Variants in UBE2F observed in about 807,000 individuals in gnomAD.
UBE2F encodes NEDD8-conjugating enzyme UBE2F.
Under a neutral mutation model 29.6 loss-of-function variants are expected in UBE2F, and 5 were observed. That is an observed-to-expected ratio of 0.17 (90% CI 0.09 to 0.36). UBE2F has a LOEUF of 0.36. Among genes scored for constraint, UBE2F ranks in the 10% least tolerant of loss-of-function variants. UBE2F has a pLI of 1.00. For missense variants in UBE2F, 141 were observed against 228.5 expected (o/e 0.62, Z 2.47); for synonymous variants, 66 against 81.8 (o/e 0.81, Z 1.04).
At chr2:238,031,945 C>G (rs920580144) in intron 7 of UBE2F, among the ~76,000 whole-genome samples, 6 of 152,268 alleles carry the variant, frequency 3.9e-5, no homozygotes, top group African/African-American at 1.4e-4. Flanking sequence ...CCTGCGGGCC[C>G]TGTCGTGCAG....
chr2:238,030,295 C>T (rs1292438913), intron 6 of UBE2F, among the ~76,000 whole-genome samples: 4 of 152,146 alleles, frequency 2.6e-5, no homozygotes, highest in African/African-American at 9.7e-5. Flanking sequence ...TTTAAACATG[C>T]TCTTCCTCAG....
chr2:238,007,488 T>A (rs2063932503), intron 4 of UBE2F, among the ~76,000 whole-genome samples: 2 of 150,974 alleles, frequency 1.3e-5, no homozygotes, highest in Non-Finnish European at 2.9e-5. Context: ...CTTGTTTGCA[T>A]ATATACATAT....
chr2:238,037,021 T>G (rs939729717), intron 9 of UBE2F, among the ~76,000 whole-genome samples: 2 of 152,204 alleles, frequency 1.3e-5, no homozygotes, highest in African/African-American at 2.4e-5. Flanking sequence ...TTTTATTTAT[T>G]TATTTAATTT....
At chr2:238,001,539 C>T (rs888755121) in intron 4 of UBE2F, among the ~76,000 whole-genome samples, 1 of 151,970 alleles carries the variant, frequency 6.6e-6, no homozygotes, top group Non-Finnish European at 1.5e-5. Context: ...GTCATTAGGC[C>T]GGGCCCAGTG....
intron 4 of UBE2F, among the ~76,000 whole-genome samples, chr2:238,011,013 A>G (rs950703221): frequency 3.9e-5 from 6 of 152,030 alleles, no homozygotes; most frequent in South Asian, 2.1e-4. Flanking sequence ...AAATCTGTCT[A>G]CTTCACCTGC....
At chr2:238,025,560 C>T (rs950155645) in intron 6 of UBE2F, 148 bp downstream of exon 6, 2 of 706,818 alleles carry the variant, frequency 2.8e-6, no homozygotes, top group Non-Finnish European at 4.9e-6. Context: ...CTGCGGTTGC[C>T]TGCCTGCTCC....
intron 2 of UBE2F, among the ~76,000 whole-genome samples, chr2:237,984,484 T>G (rs562101948): frequency 6.6e-6 from 1 of 152,246 alleles, no homozygotes; most frequent in African/African-American, 2.4e-5. Flanking sequence ...CGCACATTGC[T>G]AATTTATCTG....
intron 4 of UBE2F, among the ~76,000 whole-genome samples, chr2:237,995,042 G>T (rs1180151338): frequency 1.3e-5 from 2 of 152,196 alleles, no homozygotes; most frequent in Non-Finnish European, 2.9e-5. Flanking sequence ...TATAACTAAA[G>T]TTAATGACAG....
rs1054613904 is a variant in UBE2F, at chr2:237,970,470, C to G, written c.-16-2622C>G. The stretch of plus-strand genomic sequence containing the variant: ...CAGCTGAGTGGCTTTGGGCAGCCTA[C>G]CTTCTGGGCCTCTGTTGTCCTGGGG... On this transcript the variant is annotated intron_variant, in intron 1 of 9. Coordinates refer to ENST00000272930, the MANE Select transcript of UBE2F (RefSeq NM_080678.3). Among the ~76,000 whole-genome samples, 49 of 152,168 alleles carry G rather than the reference C, an allele frequency of 3.2e-4. 1 individual carries two copies.
intron 3 of UBE2F, among the ~76,000 whole-genome samples, chr2:237,993,388 A>G (rs2063627817): frequency 6.6e-6 from 1 of 152,124 alleles, no homozygotes; most frequent in Admixed American, 6.6e-5. Flanking sequence ...TGGTTTTTCC[A>G]TGTTTAGTTC....
intron 5 of UBE2F, among the ~76,000 whole-genome samples, chr2:238,023,871 T>G (rs1376626425): frequency 6.6e-6 from 1 of 152,050 alleles, no homozygotes; most frequent in Non-Finnish European, 1.5e-5. Context: ...AAGCTAGGGT[T>G]TATGACCAGC....
chr2:238,037,560 A>G (rs111704032), intron 9 of UBE2F, among the ~76,000 whole-genome samples: 17 of 152,008 alleles, frequency 1.1e-4, no homozygotes, highest in African/African-American at 3.6e-4. Context: ...CAGATTCCCT[A>G]TGGCAGCCTT....
At chr2:237,986,124 T>C (rs1192749374) in intron 2 of UBE2F, 1 of 354,880 alleles carries the variant, frequency 2.8e-6, no homozygotes, top group Admixed American at 4.1e-5. Flanking sequence ...TCCCAATTCA[T>C]AGACTACCTT....
At chr2:237,980,112 G>T (rs2063350602) in intron 2 of UBE2F, among the ~76,000 whole-genome samples, 1 of 152,246 alleles carries the variant, frequency 6.6e-6, no homozygotes, top group South Asian at 2.1e-4. Context: ...AATCTGTGAG[G>T]CAGTGCTTCA....
chr2:238,017,657 A>G lies in UBE2F; in HGVS notation c.282+1024A>G, dbSNP rs530005692. On this transcript the variant is annotated intron_variant, in intron 5 of 9. Transcript: ENST00000272930. ...GGCCCAAATTGCCAGGGGTTGACGT[A>G]CAGGCAGTTCAGCATGCTTGTCTTA... 2.8e-4 allele frequency among the ~76,000 whole-genome samples: 43 copies of G among 152,338 alleles called. No individual in the cohort carries two copies. In the South Asian group the frequency reaches 6.0e-3, roughly 21 times the overall value.
At chr2:238,011,579 A>C (rs2064031216) in intron 4 of UBE2F, among the ~76,000 whole-genome samples, 1 of 152,264 alleles carries the variant, frequency 6.6e-6, no homozygotes, top group African/African-American at 2.4e-5. Context: ...GTAATGAATA[A>C]TGAATTTAAG....
chr2:237,977,347 G>T (rs778450686), intron 2 of UBE2F, among the ~76,000 whole-genome samples: 2 of 152,242 alleles, frequency 1.3e-5, no homozygotes, highest in African/African-American at 2.4e-5. Flanking sequence ...ATAAATGGCA[G>T]TAGAACTCAG....
At chr2:237,997,020 G>A (rs918276165) in intron 4 of UBE2F, among the ~76,000 whole-genome samples, 6 of 152,018 alleles carry the variant, frequency 3.9e-5, no homozygotes, top group African/African-American at 1.4e-4. Flanking sequence ...TCAGGAGTTC[G>A]AGACCAGCCA....
At chr2:237,980,184 C>T (rs1412964561) in intron 2 of UBE2F, among the ~76,000 whole-genome samples, 1 of 152,256 alleles carries the variant, frequency 6.6e-6, no homozygotes, top group Non-Finnish European at 1.5e-5. Context: ...GGTTGAAGGG[C>T]TCAGCAGCTC....
Sources: gnomAD v4.1 joint callset for allele counts (sites outside exome capture counted in the v4.1 genomes callset) on GRCh38, gnomAD v4.1.1 for gene constraint, MANE v1.5 for transcripts, NCBI Gene and HGNC (gene_info 2026-07-23, HGNC 2026-07-21) for gene names.